FIGN: variants seen among roughly 807,000 people sequenced by gnomAD.
FIGN encodes fidgetin, microtubule severing factor.
A neutral mutation model predicts 51.3 loss-of-function variants in FIGN; 11 were observed. The observed-to-expected ratio is 0.21, with a 90% CI of 0.13 to 0.35. The LOEUF is 0.35. Among genes scored for constraint, FIGN ranks in the 10% least tolerant of loss-of-function variants. The pLI is 1.00. For synonymous variants in FIGN, 407 were observed against 363.2 expected, an observed-to-expected ratio of 1.12 and a Z score of -1.37; for missense variants, 857 against 943.6, an observed-to-expected ratio of 0.91 and a Z score of 1.20.
chr2:163,694,807 C>T (rs1684290999), intron 2 of FIGN, among the ~76,000 whole-genome samples: 1 of 152,160 alleles, frequency 6.6e-6, no homozygotes, highest in Admixed American at 6.5e-5. Context: ...ATCTTACAGT[C>T]CTTCTTTTCC....
At chr2:163,690,131 A>G (rs1276873737) in intron 2 of FIGN, among the ~76,000 whole-genome samples, 1 of 152,154 alleles carries the variant, frequency 6.6e-6, no homozygotes, top group Non-Finnish European at 1.5e-5. Flanking sequence ...CCAATGATTC[A>G]ATGTCAAGGA....
chr2:163,679,148 C>A (rs1285983036), intron 2 of FIGN, among the ~76,000 whole-genome samples: 2 of 152,054 alleles, frequency 1.3e-5, no homozygotes, highest in African/African-American at 2.4e-5. Flanking sequence ...GTTGGATCTA[C>A]AAATCAGTTA....
intron 2 of FIGN, among the ~76,000 whole-genome samples, chr2:163,731,940 C>T (rs529756896): frequency 9.9e-5 from 15 of 152,248 alleles, no homozygotes; most frequent in African/African-American, 3.4e-4. Flanking sequence ...CCCTACTCTT[C>T]CCTGCTTATT....
At chr2:163,718,387 T>G (rs1232630488) in intron 2 of FIGN, among the ~76,000 whole-genome samples, 1 of 152,170 alleles carries the variant, frequency 6.6e-6, no homozygotes, top group Non-Finnish European at 1.5e-5. Context: ...TTGATTTCAT[T>G]TGGATGTAAC....
chr2:163,627,406 C>A (rs916051870), intron 2 of FIGN, among the ~76,000 whole-genome samples: 10 of 152,132 alleles, frequency 6.6e-5, no homozygotes, highest in African/African-American at 2.2e-4. Flanking sequence ...GATTCTAGTG[C>A]AGAGAACAAA....
At chr2:163,680,908 G>A (rs1352596805) in intron 2 of FIGN, among the ~76,000 whole-genome samples, 1 of 152,148 alleles carries the variant, frequency 6.6e-6, no homozygotes, top group Non-Finnish European at 1.5e-5. Flanking sequence ...CTGTCTAGCA[G>A]AGAATAAGCT....
At position 163,630,005 on chromosome 2, in the gene FIGN, C is replaced by T. The variant is rs563033895; in HGVS notation, c.26-18199G>A. On this transcript the variant is annotated intron_variant, in intron 2 of 2. Coordinates refer to ENST00000333129, the MANE Select transcript of FIGN (RefSeq NM_018086.4). ...TTTGACAGGGTCTTGCTCTATCATC[C>T]AGTCCAGTGCAGTGGTATAATCTTG... 2.2e-3 allele frequency among the ~76,000 whole-genome samples: 287 copies of T among 129,210 alleles called. 1 individual carries two copies. The highest frequency in any genetic ancestry group is 7.5e-3 in the African/African-American group (251 of 33,260). 84.8% of individuals were successfully genotyped at this position (129,210 alleles called of 152,430 possible).
At chr2:163,732,168 A>T (rs925033570) in intron 2 of FIGN, among the ~76,000 whole-genome samples, 1 of 152,220 alleles carries the variant, frequency 6.6e-6, no homozygotes, top group Non-Finnish European at 1.5e-5. Context: ...TCATTATTCA[A>T]GAACACATAG....
chr2:163,684,011 CTG>C (rs1166142996), intron 2 of FIGN, among the ~76,000 whole-genome samples: 2 of 152,132 alleles, frequency 1.3e-5, no homozygotes, highest in Non-Finnish European at 2.9e-5. Flanking sequence ...AAAACAATCT[CTG>C]TGTTTTTCCA....
At chr2:163,660,140 G>GA (rs1463729060) in intron 2 of FIGN, among the ~76,000 whole-genome samples, 2 of 151,680 alleles carry the variant, frequency 1.3e-5, no homozygotes, top group Non-Finnish European at 2.9e-5. Context: ...AAAATTAAGG[G>GA]AAAAAATGAC....
chr2:163,709,622 A>G (rs769063301), intron 2 of FIGN, among the ~76,000 whole-genome samples: 1 of 152,132 alleles, frequency 6.6e-6, no homozygotes. Context: ...GCGATTTACT[A>G]TGTGTTCAAG....
At chr2:163,615,764 T>A (rs16848725) in intron 2 of FIGN, among the ~76,000 whole-genome samples, 5,341 of 152,266 alleles carry the variant, frequency 0.035, 164 homozygotes, top group South Asian at 0.14. Context: ...CTCCTACTGT[T>A]GTTTGGAAAT....
intron 2 of FIGN, among the ~76,000 whole-genome samples, chr2:163,675,102 A>G (rs1683935823): frequency 6.6e-6 from 1 of 152,226 alleles, no homozygotes; most frequent in Admixed American, 6.5e-5. Flanking sequence ...TTTCCATGCC[A>G]CATTTGAGTT....
chr2:163,686,560 A>C (rs143033062), intron 2 of FIGN, among the ~76,000 whole-genome samples: 1 of 152,220 alleles, frequency 6.6e-6, no homozygotes, highest in East Asian at 1.9e-4. Context: ...CCTTATGTAG[A>C]TTATCACATT....
chr2:163,608,349 C>A lies in FIGN; in HGVS notation c.*1203G>T, dbSNP rs1322343926. ...TTGGTTGCTATCCTCTGCATTCTAT[C>A]AAACAGCACGGCAAGTCTATAAGCT... On this transcript the variant is annotated 3_prime_UTR_variant, in exon 3 of 3. Transcript: ENST00000333129. 6.6e-6 allele frequency: 1 copy of A among 152,508 alleles called. No individual in the cohort carries two copies. Among genetic ancestry groups the A allele is most frequent in the Non-Finnish European group, 1.5e-5 (1 of 68,204 alleles). 9.4% of individuals were successfully genotyped at this position (152,508 alleles called of 1,614,324 possible).
chr2:163,633,317 C>T lies in FIGN; in HGVS notation c.26-21511G>A, dbSNP rs983476558. 3.9e-5 allele frequency among the ~76,000 whole-genome samples: 6 copies of T among 152,266 alleles called. No homozygotes were observed. In the East Asian group the frequency reaches 5.8e-4, roughly 15 times the overall value. On this transcript the variant is annotated intron_variant, in intron 2 of 2. Transcript: ENST00000333129. ...TAGCTAACTTTTGTTCCACTTTCTA[C>T]GGGCCAGGAAATGTTCTAAGTGCTT...
chr2:163,690,696 G>A (rs1164594800), intron 2 of FIGN, among the ~76,000 whole-genome samples: 1 of 151,910 alleles, frequency 6.6e-6, no homozygotes, highest in Non-Finnish European at 1.5e-5. Flanking sequence ...GTTGAAAGGT[G>A]GCTCAAGTAT....
intron 2 of FIGN, among the ~76,000 whole-genome samples, chr2:163,631,819 G>A (rs1683149994): frequency 6.6e-6 from 1 of 152,152 alleles, no homozygotes; most frequent in South Asian, 2.1e-4. Context: ...GGTGCTATAT[G>A]TATCATGCAG....
At chr2:163,646,022 A>T (rs2105319038) in intron 2 of FIGN, among the ~76,000 whole-genome samples, 1 of 152,268 alleles carries the variant, frequency 6.6e-6, no homozygotes, top group East Asian at 1.9e-4. Flanking sequence ...TTAGGATGAA[A>T]ATTATTATTT....
Sources: allele counts gnomAD v4.1 joint callset (sites outside exome capture counted in the v4.1 genomes callset), GRCh38; gene constraint gnomAD v4.1.1; transcripts MANE v1.5; gene names NCBI Gene and HGNC (gene_info 2026-07-23, HGNC 2026-07-21).